Variants in NALCN observed in about 807,000 individuals in gnomAD.
NALCN encodes sodium leak channel NALCN.
NALCN carries 111 observed loss-of-function variants against 225.3 expected under a neutral mutation model. The observed-to-expected ratio is 0.49, with a 90% CI of 0.42 to 0.58. NALCN has a LOEUF of 0.58. Among genes scored for constraint, NALCN ranks in the 20% least tolerant of loss-of-function variants. The pLI, the probability that NALCN is intolerant of heterozygous loss-of-function variation, is 0.00. For synonymous variants in NALCN, 764 were observed against 769.0 expected, an observed-to-expected ratio of 0.99 and a Z score of 0.11; for missense variants, 1,378 against 2,202.4, an observed-to-expected ratio of 0.63 and a Z score of 7.49.
At chr13:101,222,564 G>C (rs1594468433) in intron 13 of NALCN, among the ~76,000 whole-genome samples, 1 of 152,020 alleles carries the variant, frequency 6.6e-6, no homozygotes, top group Admixed American at 6.6e-5. Context: ...CTCCAAGCAG[G>C]ATATGCCATC....
At chr13:101,397,066 T>TCATA (rs1555346458) in intron 2 of NALCN, among the ~76,000 whole-genome samples, 45 of 56,396 alleles carry the variant, frequency 8.0e-4, no homozygotes, top group Non-Finnish European at 1.5e-3. Flanking sequence ...TATGAATGTA[T>TCATA]TATATATATA....
At chr13:101,382,374 G>T (rs1178252006) in intron 3 of NALCN, among the ~76,000 whole-genome samples, 2 of 151,938 alleles carry the variant, frequency 1.3e-5, no homozygotes, top group East Asian at 1.9e-4. Flanking sequence ...ATTCTGATAT[G>T]TTTTTGGACC....
At chr13:101,091,398 A>G (rs1402037720) in intron 28 of NALCN, among the ~76,000 whole-genome samples, 1 of 152,162 alleles carries the variant, frequency 6.6e-6, no homozygotes, top group Non-Finnish European at 1.5e-5. Context: ...AGAGACAATC[A>G]CAAGATGTGC....
chr13:101,234,025 C>T (rs1426574399), intron 12 of NALCN, among the ~76,000 whole-genome samples: 7 of 152,164 alleles, frequency 4.6e-5, no homozygotes, highest in Admixed American at 4.6e-4. Context: ...GACCTCCTTA[C>T]AGTTTGCTCC....
intron 3 of NALCN, among the ~76,000 whole-genome samples, chr13:101,384,041 T>C (rs1312590040): frequency 6.6e-6 from 1 of 152,208 alleles, no homozygotes; most frequent in Non-Finnish European, 1.5e-5. Flanking sequence ...GGCACATTTA[T>C]CAAATTATCG....
chr13:101,149,896 G>A (rs2037550036), intron 15 of NALCN, among the ~76,000 whole-genome samples: 1 of 152,196 alleles, frequency 6.6e-6, no homozygotes, highest in Admixed American at 6.5e-5. Context: ...CAGCCCTGTG[G>A]ATCCTCTCCT....
chr13:101,225,205 A>G (rs979796268), intron 13 of NALCN, among the ~76,000 whole-genome samples: 1 of 152,042 alleles, frequency 6.6e-6, no homozygotes, highest in Non-Finnish European at 1.5e-5. Context: ...AGGAAAGAAA[A>G]AACACCCCAT....
intron 7 of NALCN, among the ~76,000 whole-genome samples, chr13:101,340,450 A>T (rs969524199): frequency 1.3e-5 from 2 of 152,176 alleles, no homozygotes; most frequent in Non-Finnish European, 2.9e-5. Flanking sequence ...CCCTCAAATA[A>T]CACAGAGATA....
intron 7 of NALCN, among the ~76,000 whole-genome samples, chr13:101,320,865 C>T (rs1383945127): frequency 6.6e-6 from 1 of 152,054 alleles, no homozygotes; most frequent in African/African-American, 2.4e-5. Flanking sequence ...ATTCTAACAC[C>T]CTATTAATAC....
In NALCN at chr13:101,104,277, C is replaced by T. The variant is rs771130580; in HGVS notation, c.2889+18G>A. ...AAAACCATTACATTTTTCATTTAGG[C>T]AATAAGCAAAGACTTACAAGATATA... is the stretch of plus-strand genomic sequence containing the variant. On this transcript the variant is annotated intron_variant, in intron 25 of 43. Coordinates refer to ENST00000251127, the MANE Select transcript of NALCN (RefSeq NM_052867.4). The surrounding 1 kb of genome is among the most constrained non-coding windows in gnomAD (Gnocchi z 4.2). 2 of 1,577,048 alleles carry T rather than the reference C, an allele frequency of 1.3e-6. No homozygotes were observed. Among genetic ancestry groups the T allele is most frequent in the Admixed American group, 3.9e-5 (2 of 51,080 alleles).
intron 6 of NALCN, among the ~76,000 whole-genome samples, chr13:101,360,314 T>C (rs1012551679): frequency 6.7e-6 from 1 of 149,732 alleles, no homozygotes; most frequent in African/African-American, 2.5e-5. Flanking sequence ...CACTGCAACC[T>C]CCCTCACCTC....
At chr13:101,139,159 T>C (rs765810483) in intron 17 of NALCN, among the ~76,000 whole-genome samples, 8 of 152,300 alleles carry the variant, frequency 5.3e-5, no homozygotes, top group Non-Finnish European at 1.0e-4. Flanking sequence ...ATAATAAAGG[T>C]GATCCACCAG....
chr13:101,323,931 G>A (rs911102797), intron 7 of NALCN, among the ~76,000 whole-genome samples: 3 of 152,082 alleles, frequency 2.0e-5, no homozygotes, highest in African/African-American at 7.2e-5. Context: ...AGTAGTACAG[G>A]AGTCACTGAG....
chr13:101,376,753 A>T lies in NALCN; in HGVS notation c.591T>A (p.Val197=). 1 of 1,613,470 alleles carries T rather than the reference A, an allele frequency of 6.2e-7. No homozygotes were observed. The highest frequency in any genetic ancestry group is 8.5e-7 in the Non-Finnish European group (1 of 1,179,810). The change falls in exon 6 of 44, where the codon GTT becomes GTA. Residue 197 remains valine (V), a synonymous_variant. Coordinates refer to ENST00000251127, the MANE Select transcript of NALCN (RefSeq NM_052867.4). The part of the protein sequence containing the change: ...FFLLLYGILG[V]QMFGTFTYHC... ...GATAAGTAAATGTTCCAAACATCTG[A>T]ACTCCTAAAATTCCATAAAGAAGTA...
intron 13 of NALCN, among the ~76,000 whole-genome samples, chr13:101,211,629 G>T (rs2040527451): frequency 1.4e-5 from 2 of 142,940 alleles, no homozygotes; most frequent in Admixed American, 7.0e-5. Flanking sequence ...TTTTTTTGGG[G>T]GGGGAGACAA....
At chr13:101,055,852 A>T (rs1048358039) in intron 43 of NALCN, among the ~76,000 whole-genome samples, 4 of 152,042 alleles carry the variant, frequency 2.6e-5, no homozygotes, top group African/African-American at 9.7e-5. Flanking sequence ...AAGGAAGGAG[A>T]GTGTGACCCA....
At chr13:101,325,045 G>A (rs1238437979) in intron 7 of NALCN, among the ~76,000 whole-genome samples, 1 of 152,064 alleles carries the variant, frequency 6.6e-6, no homozygotes, top group African/African-American at 2.4e-5. Context: ...TGGACAAGCT[G>A]GTTCCTGGCA....
chr13:101,266,710 C>A (rs939566664), intron 10 of NALCN, among the ~76,000 whole-genome samples: 12 of 152,148 alleles, frequency 7.9e-5, no homozygotes, highest in Non-Finnish European at 1.3e-4. Context: ...TGATGAAATT[C>A]TCAGAAACCA....
chr13:101,300,057 T>C (rs1440306381), intron 7 of NALCN, among the ~76,000 whole-genome samples: 1 of 151,606 alleles, frequency 6.6e-6, no homozygotes, highest in Non-Finnish European at 1.5e-5. Context: ...TGTGTACTCT[T>C]AAGGTGGACA....
Sources: gnomAD v4.1 joint callset for allele counts (sites outside exome capture counted in the v4.1 genomes callset) on GRCh38, gnomAD v4.1.1 for gene constraint, Gnocchi (gnomAD v3.1) non-coding constraint, MANE v1.5 for transcripts, NCBI Gene and HGNC (gene_info 2026-07-23, HGNC 2026-07-21) for gene names.